Variants in RYR2 observed in about 807,000 individuals in gnomAD.
The protein encoded by RYR2 is ryanodine receptor 2.
A neutral mutation model predicts 601.1 loss-of-function variants in RYR2; 227 were observed. The observed-to-expected ratio is 0.38, with a 90% CI of 0.34 to 0.42. The LOEUF (loss-of-function observed/expected upper bound fraction) is 0.42. Among genes scored for constraint, RYR2 ranks in the 10% least tolerant of loss-of-function variants. The pLI is 1.00. For synonymous variants in RYR2, 2,223 were observed against 2,175.1 expected, an observed-to-expected ratio of 1.02 and a Z score of -0.61; for missense variants, 4,646 against 6,156.5, an observed-to-expected ratio of 0.75 and a Z score of 8.21.
chr1:237,430,065 T>C (rs1003884687), intron 12 of RYR2, among the ~76,000 whole-genome samples: 1 of 150,848 alleles, frequency 6.6e-6, no homozygotes, highest in African/African-American at 2.4e-5. Flanking sequence ...TATCAATATA[T>C]TGTTATATAT....
At chr1:237,386,034 A>G (rs190835283) in intron 8 of RYR2, among the ~76,000 whole-genome samples, 7 of 152,344 alleles carry the variant, frequency 4.6e-5, no homozygotes, top group Admixed American at 3.9e-4. Context: ...CAATAAAGGA[A>G]TCTTAGCTGG....
chr1:237,121,339 G>A (rs994225479), intron 1 of RYR2, among the ~76,000 whole-genome samples: 6 of 152,146 alleles, frequency 3.9e-5, no homozygotes, highest in Non-Finnish European at 8.8e-5. Flanking sequence ...TGCCAAGCAC[G>A]GTGGCTGGCA....
intron 2 of RYR2, among the ~76,000 whole-genome samples, chr1:237,301,675 G>A (rs1360188629): frequency 6.6e-6 from 1 of 152,088 alleles, no homozygotes; most frequent in Non-Finnish European, 1.5e-5. Context: ...GTCTTTCTAA[G>A]AACAAAAGAC....
At position 237,818,048 on chromosome 1, in the gene RYR2, T is replaced by A. The variant is rs530676647; in HGVS notation, c.14434-988T>A. Among the ~76,000 whole-genome samples, 65 of 151,732 alleles carry A rather than the reference T, an allele frequency of 4.3e-4. 1 individual carries two copies. The South Asian group carries it at 0.012, about 27-fold the overall frequency. Reference sequence around the variant, plus strand: ...TCAGGAATAGTTCACTTGGAGGAGGTATGGGGAGAGCGGAGAGAGCAGAGA... The same window carrying A: ...TCAGGAATAGTTCACTTGGAGGAGGAATGGGGAGAGCGGAGAGAGCAGAGA... On this transcript the variant is annotated intron_variant, in intron 100 of 104. Transcript: ENST00000366574.
chr1:237,199,858 T>A (rs1211163872), intron 1 of RYR2, among the ~76,000 whole-genome samples: 1 of 152,138 alleles, frequency 6.6e-6, no homozygotes, highest in African/African-American at 2.4e-5. Flanking sequence ...TGTTTTCTAC[T>A]AAAAATTAAA....
At chr1:237,048,932 T>C (rs1384251086) in intron 1 of RYR2, among the ~76,000 whole-genome samples, 2 of 152,176 alleles carry the variant, frequency 1.3e-5, no homozygotes, top group Non-Finnish European at 2.9e-5. Context: ...GAACCTGCTA[T>C]GAAGGAAGTA....
chr1:237,647,131 A>C (rs1483591175), intron 48 of RYR2, among the ~76,000 whole-genome samples: 1 of 152,194 alleles, frequency 6.6e-6, no homozygotes, highest in Non-Finnish European at 1.5e-5. Context: ...TTTTATATAG[A>C]TTTTTAATTG....
At chr1:237,507,301 A>G (rs1423381471) in intron 23 of RYR2, among the ~76,000 whole-genome samples, 2 of 152,248 alleles carry the variant, frequency 1.3e-5, no homozygotes, top group Non-Finnish European at 2.9e-5. Flanking sequence ...CTGAGAAACC[A>G]TGATTGCACA....
chr1:237,822,865 A>G lies in RYR2; in HGVS notation c.14590+3673A>G, dbSNP rs997655002. 5.9e-5 allele frequency among the ~76,000 whole-genome samples: 9 copies of G among 152,218 alleles called. No homozygotes were observed. The East Asian group carries it at 1.5e-3, about 26-fold the overall frequency. On this transcript the variant is annotated intron_variant, in intron 101 of 104. Transcript: ENST00000366574. The stretch of plus-strand genomic sequence containing the variant: ...CCAAGCAAATGGAAAACAAAACAAA[A>G]CAAAAAAGCAGGGATTGCAATTCTA...
intron 96 of RYR2, among the ~76,000 whole-genome samples, chr1:237,797,733 C>T (rs1446394818): frequency 6.6e-6 from 1 of 152,202 alleles, no homozygotes; most frequent in Non-Finnish European, 1.5e-5. Context: ...TAGTAAAGGT[C>T]GTTCTCATTC....
At chr1:237,679,531 T>A (rs1161444369) in intron 61 of RYR2, among the ~76,000 whole-genome samples, 2 of 152,150 alleles carry the variant, frequency 1.3e-5, no homozygotes, top group Non-Finnish European at 2.9e-5. Context: ...CCCGTCACAG[T>A]CCTTAGCACT....
chr1:237,184,435 C>G (rs966260462), intron 1 of RYR2, among the ~76,000 whole-genome samples: 13 of 151,764 alleles, frequency 8.6e-5, no homozygotes, highest in African/African-American at 2.7e-4. Flanking sequence ...AAGAGAAGAA[C>G]TACTTTTCGG....
chr1:237,823,261 A>G (rs577001219), intron 101 of RYR2, among the ~76,000 whole-genome samples: 2 of 152,316 alleles, frequency 1.3e-5, no homozygotes, highest in African/African-American at 4.8e-5. Flanking sequence ...CTTATTCTAA[A>G]ATTGACCACA....
intron 29 of RYR2, among the ~76,000 whole-genome samples, chr1:237,575,558 T>C (rs1180454149): frequency 6.6e-6 from 1 of 152,016 alleles, no homozygotes; most frequent in Non-Finnish European, 1.5e-5. Context: ...GGCGTACCTA[T>C]ATAAATTTCC....
intron 1 of RYR2, among the ~76,000 whole-genome samples, chr1:237,201,290 T>C (rs114875027): frequency 1.7e-3 from 261 of 152,338 alleles, no homozygotes; most frequent in African/African-American, 6.1e-3. Context: ...GGCACTGCCC[T>C]CACTATTATT....
intron 62 of RYR2, among the ~76,000 whole-genome samples, 198 bp from the exon 63 acceptor site, chr1:237,687,257 T>A (rs1686475429): frequency 6.6e-6 from 1 of 152,028 alleles, no homozygotes; most frequent in African/African-American, 2.4e-5. Context: ...GACTCTTTCT[T>A]TAATACCTTT....
At chr1:237,795,832 G>GTATATA (rs1659843805) in intron 96 of RYR2, among the ~76,000 whole-genome samples, 1 of 47,598 alleles carries the variant, frequency 2.1e-5, no homozygotes, top group Non-Finnish European at 3.8e-5. Flanking sequence ...GTATGTGTGT[G>GTATATA]TGTGTATATA....
intron 1 of RYR2, among the ~76,000 whole-genome samples, chr1:237,109,072 C>A (rs1458900146): frequency 2.0e-5 from 3 of 152,060 alleles, no homozygotes; most frequent in African/African-American, 7.2e-5. Context: ...CAGTGTGAAA[C>A]CTAACCTAGC....
chr1:237,596,774 G>C (rs902680878), intron 34 of RYR2, among the ~76,000 whole-genome samples: 2 of 152,120 alleles, frequency 1.3e-5, no homozygotes, highest in Admixed American at 1.3e-4. Context: ...ATAGCACCAA[G>C]TCATATATAC....
Sources: gnomAD v4.1 joint callset for allele counts (sites outside exome capture counted in the v4.1 genomes callset) on GRCh38, gnomAD v4.1.1 for gene constraint, MANE v1.5 for transcripts, NCBI Gene and HGNC (gene_info 2026-07-23, HGNC 2026-07-21) for gene names.